The following ZMYM2 variants were observed in gnomAD, a reference collection of about 807,000 sequenced individuals.
ZMYM2 encodes the protein zinc finger MYM-type protein 2.
In ZMYM2, 56 loss-of-function variants were observed where a neutral mutation model predicts 162.8. The observed-to-expected ratio is 0.34, with a 90% CI of 0.28 to 0.43. ZMYM2 has a LOEUF of 0.43. Ranked by LOEUF, ZMYM2 falls within the 20% of genes least tolerant of loss-of-function variation. The pLI is 1.00. For missense variants in ZMYM2, 1,275 were observed against 1,621.8 expected (o/e 0.79, Z 3.67); for synonymous variants, 510 against 541.6 (o/e 0.94, Z 0.81).
At chr13:19,931,130 C>T in the ZMYM2 span, among the ~76,000 whole-genome samples, 1 of 139,090 alleles carries the variant, frequency 7.2e-6, no homozygotes, top group African/African-American at 2.9e-5. Flanking sequence ...AAGAGCGAGA[C>T]TCTCTCTCAA....
intron 2 of ZMYM2, among the ~76,000 whole-genome samples, chr13:19,991,596 A>G (rs76286028): frequency 0.1 from 15,289 of 150,852 alleles, 1,289 homozygotes; most frequent in African/African-American, 0.22. Flanking sequence ...TAGCATCTGT[A>G]AGCCAGAATT....
intron 21 of ZMYM2, among the ~76,000 whole-genome samples, chr13:20,078,214 G>T (rs1205525897): frequency 2.6e-5 from 4 of 151,814 alleles, no homozygotes; most frequent in African/African-American, 7.3e-5. Flanking sequence ...ACAAATTATT[G>T]TGCAGAACTA....
At chr13:20,085,744 G>C in intron 24 of ZMYM2, 78 bp from the exon 25 acceptor site, 3 of 1,381,950 alleles carry the variant, frequency 2.2e-6, no homozygotes, top group East Asian at 2.4e-5. Context: ...AATGGGGTCT[G>C]AATTATTCTT....
At chr13:19,887,931 A>G in the ZMYM2 span, among the ~76,000 whole-genome samples, 73 of 150,156 alleles carry the variant, frequency 4.9e-4, 1 homozygote, top group African/African-American at 1.6e-3. Context: ...CCCAGGCTGG[A>G]GAGCAGTGCT....
At chr13:19,886,323 C>A in the ZMYM2 span, among the ~76,000 whole-genome samples, 1 of 151,378 alleles carries the variant, frequency 6.6e-6, no homozygotes, top group East Asian at 1.9e-4. Context: ...CACCACCACA[C>A]CCGGCTAAGT....
the ZMYM2 span, among the ~76,000 whole-genome samples, chr13:19,883,345 G>A: frequency 1.3e-5 from 2 of 152,142 alleles, no homozygotes; most frequent in African/African-American, 4.8e-5. Flanking sequence ...ACAAAATTGT[G>A]AATATACTAA....
At chr13:19,867,048 A>G in the ZMYM2 span, among the ~76,000 whole-genome samples, 6 of 152,184 alleles carry the variant, frequency 3.9e-5, no homozygotes, top group Non-Finnish European at 8.8e-5. Context: ...AAATTTATTT[A>G]TTCTTTGAAA....
chr13:20,026,020 A>G (rs1244819895), intron 7 of ZMYM2: 1 of 152,212 alleles, frequency 6.6e-6, no homozygotes, highest in African/African-American at 2.4e-5. Flanking sequence ...TTCATTTTAT[A>G]GCCAGAAGTC....
At chr13:20,012,551 G>A (rs1259991306) in intron 6 of ZMYM2, among the ~76,000 whole-genome samples, 1 of 152,126 alleles carries the variant, frequency 6.6e-6, no homozygotes. Flanking sequence ...AGAATCTGTT[G>A]CCAAATGCCA....
chr13:20,046,607 G>GTGTA (rs781273129), intron 12 of ZMYM2, among the ~76,000 whole-genome samples: 1,316 of 104,338 alleles, frequency 0.013, 30 homozygotes, highest in African/African-American at 0.045. Flanking sequence ...GTGTGTGTGT[G>GTGTA]TATATATATG....
the ZMYM2 span, among the ~76,000 whole-genome samples, chr13:19,893,014 G>T: frequency 6.6e-6 from 1 of 151,540 alleles, no homozygotes; most frequent in Non-Finnish European, 1.5e-5. Context: ...TGCCTGGCCG[G>T]GAGTTATTTT....
chr13:20,017,750 C>G (rs928173063), intron 6 of ZMYM2, among the ~76,000 whole-genome samples: 1 of 151,764 alleles, frequency 6.6e-6, no homozygotes. Flanking sequence ...TTTTATTCTT[C>G]TGTATATCTT....
intron 2 of ZMYM2, among the ~76,000 whole-genome samples, chr13:19,965,728 T>A (rs2139156690): frequency 6.6e-6 from 1 of 152,016 alleles, no homozygotes; most frequent in Non-Finnish European, 1.5e-5. Context: ...TATCTTATTT[T>A]AATCATTTTA....
rs753239977 is a variant in ZMYM2, at chr13:19,965,240, C to T, written c.-11+5214C>T. 1.9e-5 allele frequency: 25 copies of T among 1,300,210 alleles called. No homozygotes were observed. In the South Asian group the frequency reaches 3.1e-4, roughly 16 times the overall value. 80.5% of individuals were successfully genotyped at this position (1,300,210 alleles called of 1,614,324 possible). ...TATAGCCATACATGTGTATATTACT[C>T]TCTGCCGTAGTCACCTGGATACCAT... is the stretch of plus-strand genomic sequence containing the variant. On this transcript the variant is annotated intron_variant, in intron 2 of 24. Coordinates refer to ENST00000610343, the MANE Select transcript of ZMYM2 (RefSeq NM_197968.4).
At chr13:20,084,632 T>C (rs1223668083) in intron 24 of ZMYM2, among the ~76,000 whole-genome samples, 1 of 152,178 alleles carries the variant, frequency 6.6e-6, no homozygotes, top group Non-Finnish European at 1.5e-5. Flanking sequence ...GTCAAGCAGG[T>C]ATGAAAAATG....
intron 9 of ZMYM2, among the ~76,000 whole-genome samples, chr13:20,028,579 G>A (rs1952786891): frequency 6.6e-6 from 1 of 152,026 alleles, no homozygotes; most frequent in Non-Finnish European, 1.5e-5. Context: ...GTGGTACCAG[G>A]ACCTCCTGCA....
the ZMYM2 span, among the ~76,000 whole-genome samples, chr13:19,876,838 G>T: frequency 6.6e-6 from 1 of 152,122 alleles, no homozygotes; most frequent in African/African-American, 2.4e-5. Context: ...TCTACTTTCT[G>T]TATGTATGAA....
chr13:20,031,281 T>C lies in ZMYM2; in HGVS notation c.1852-38T>C, dbSNP rs778478596. 3.5e-6 allele frequency: 5 copies of C among 1,413,710 alleles called. No individual in the cohort carries two copies. In the African/African-American group the frequency reaches 4.3e-5, roughly 12 times the overall value. 87.6% of individuals were successfully genotyped at this position (1,413,710 alleles called of 1,614,324 possible). On this transcript the variant is annotated intron_variant, in intron 9 of 24. Transcript: ENST00000610343. ...GTAATCACAAATAGAAATTCAAACA[T>C]ACATGTCAGGCTTAGTATCTTTTGT... is the stretch of plus-strand genomic sequence containing the variant.
chr13:20,027,089 G>C, intron 8 of ZMYM2, 114 bp from the exon 9 acceptor site: 1 of 727,962 alleles, frequency 1.4e-6, no homozygotes, highest in Non-Finnish European at 2.1e-6. Flanking sequence ...TATTGAAGGT[G>C]CAAATAATAA....
Sources: gnomAD v4.1 joint callset for allele counts (sites outside exome capture counted in the v4.1 genomes callset) on GRCh38, gnomAD v4.1.1 for gene constraint, MANE v1.5 for transcripts, NCBI Gene and HGNC (gene_info 2026-07-23, HGNC 2026-07-21) for gene names.